The following LRRC4C variants were observed in gnomAD, a reference collection of about 807,000 sequenced individuals.
LRRC4C encodes the protein leucine-rich repeat-containing protein 4C.
Under a neutral mutation model 33.6 loss-of-function variants are expected in LRRC4C, and 5 were observed. The ratio of observed to expected loss-of-function variants is 0.15; its 90% CI spans 0.08 to 0.31. The LOEUF (loss-of-function observed/expected upper bound fraction) is 0.31, where lower values mean the gene tolerates loss of function less well. LRRC4C is among the 10% of genes least tolerant of loss of function. LRRC4C has a pLI of 1.00. For synonymous variants in LRRC4C, 329 were observed against 302.0 expected (o/e 1.09, Z -0.93); for missense variants, 560 against 796.7 (o/e 0.70, Z 3.58).
At chr11:40,725,161 T>C (rs1006155498) in intron 2 of LRRC4C, among the ~76,000 whole-genome samples, 1 of 152,172 alleles carries the variant, frequency 6.6e-6, no homozygotes, top group Admixed American at 6.5e-5. Context: ...GCATTCCTGA[T>C]AAGAACCTGA....
At chr11:40,551,621 C>T (rs531026468) in intron 3 of LRRC4C, among the ~76,000 whole-genome samples, 1 of 152,182 alleles carries the variant, frequency 6.6e-6, no homozygotes, top group Non-Finnish European at 1.5e-5. Flanking sequence ...TCTGCCTCCA[C>T]CCCACTCCTT....
At chr11:40,794,977 CTTAG>C (rs1190435931) in intron 2 of LRRC4C, among the ~76,000 whole-genome samples, 4 of 152,148 alleles carry the variant, frequency 2.6e-5, no homozygotes, top group African/African-American at 9.7e-5. Flanking sequence ...TTACTCAATT[CTTAG>C]TTAGACATCA....
intron 3 of LRRC4C, among the ~76,000 whole-genome samples, chr11:40,409,223 T>C (rs1362978091): frequency 6.6e-6 from 1 of 151,926 alleles, no homozygotes; most frequent in Non-Finnish European, 1.5e-5. Flanking sequence ...AGATCTTCAG[T>C]TCACATCATT....
rs139128677 is a variant in LRRC4C, at chr11:40,754,580, G to A, written c.-406-106302C>T. 2.6e-3 allele frequency among the ~76,000 whole-genome samples: 391 copies of A among 152,176 alleles called. 1 individual carries two copies. Among genetic ancestry groups the A allele is most frequent in the Non-Finnish European group, 4.5e-3 (308 of 67,994 alleles). On this transcript the variant is annotated intron_variant, in intron 2 of 6. Transcript: ENST00000528697. ...TCCATAAAGCCTACACTCTGGAAGA[G>A]GATGCAGACAAGGAAAGCCAGAGAC...
At chr11:40,912,944 CAA>C (rs1210847864) in intron 2 of LRRC4C, among the ~76,000 whole-genome samples, 1 of 152,104 alleles carries the variant, frequency 6.6e-6, no homozygotes, top group African/African-American at 2.4e-5. Context: ...TCAAAAGAGA[CAA>C]AGAAGACCAT....
chr11:40,560,493 A>G (rs184153857), intron 3 of LRRC4C, among the ~76,000 whole-genome samples: 2 of 152,120 alleles, frequency 1.3e-5, no homozygotes, highest in South Asian at 4.2e-4. Flanking sequence ...AGACCCAGTG[A>G]AAGTTCAATT....
At chr11:41,416,757 T>C (rs1405539566) in intron 1 of LRRC4C, among the ~76,000 whole-genome samples, 1 of 152,018 alleles carries the variant, frequency 6.6e-6, no homozygotes, top group Non-Finnish European at 1.5e-5. Context: ...GTAAATATTA[T>C]AATATCTACC....
At chr11:40,329,651 G>A (rs900307450) in intron 3 of LRRC4C, among the ~76,000 whole-genome samples, 2 of 151,922 alleles carry the variant, frequency 1.3e-5, no homozygotes, top group Non-Finnish European at 2.9e-5. Flanking sequence ...ATAGACTGTC[G>A]TTGAAGGTAA....
chr11:40,547,475 T>C (rs1328980402), intron 3 of LRRC4C, among the ~76,000 whole-genome samples: 2 of 152,210 alleles, frequency 1.3e-5, no homozygotes, highest in East Asian at 3.9e-4. Context: ...ATATCAGAGC[T>C]GGGAAATGAC....
At chr11:40,877,297 G>A (rs945257687) in intron 2 of LRRC4C, among the ~76,000 whole-genome samples, 2 of 152,042 alleles carry the variant, frequency 1.3e-5, no homozygotes, top group Non-Finnish European at 2.9e-5. Flanking sequence ...CAGTTTTCCC[G>A]ACATGTAATT....
chr11:40,395,268 G>C (rs760302787), intron 3 of LRRC4C, among the ~76,000 whole-genome samples: 6 of 152,088 alleles, frequency 3.9e-5, no homozygotes, highest in Non-Finnish European at 5.9e-5. Flanking sequence ...GGCATTGCCT[G>C]TTTGAAATTA....
At chr11:41,020,380 C>T (rs1467973737) in intron 1 of LRRC4C, among the ~76,000 whole-genome samples, 1 of 152,080 alleles carries the variant, frequency 6.6e-6, no homozygotes, top group Non-Finnish European at 1.5e-5. Context: ...GAAATAGGGT[C>T]TTTGCATATT....
intron 2 of LRRC4C, among the ~76,000 whole-genome samples, chr11:40,810,748 A>C (rs1434593069): frequency 6.6e-6 from 1 of 152,142 alleles, no homozygotes; most frequent in Non-Finnish European, 1.5e-5. Flanking sequence ...TAATTAATTA[A>C]CATGTCTTTT....
intron 1 of LRRC4C, among the ~76,000 whole-genome samples, chr11:41,451,652 T>C (rs1268918729): frequency 6.6e-6 from 1 of 152,082 alleles, no homozygotes; most frequent in Non-Finnish European, 1.5e-5. Context: ...AAGTTAGGTA[T>C]TCATGAGCAA....
chr11:41,384,065 G>A lies in LRRC4C; in HGVS notation c.-496+75366C>T, dbSNP rs10837638. On this transcript the variant is annotated intron_variant, in intron 1 of 6. Coordinates refer to ENST00000528697, the MANE Select transcript of LRRC4C (RefSeq NM_001258419.2). ...TTGGTGTTATTTACATACAATTTTG[G>A]TAATGAAAGATCTTCGAAAGTTTAT... is the stretch of plus-strand genomic sequence containing the variant. Among the ~76,000 whole-genome samples the A allele has an allele frequency of 2.8e-3, 429 of 151,908 alleles. 8 individuals carry two copies. The highest frequency in any genetic ancestry group is 0.017 in the East Asian group (90 of 5,152).
At position 40,766,353 on chromosome 11, in the gene LRRC4C, T is replaced by TAAAAA. The variant is rs60152534; in HGVS notation, c.-406-118080_-406-118076dup. Among the ~76,000 whole-genome samples the TAAAAA allele has an allele frequency of 3.0e-3, 101 of 33,910 alleles. 3 individuals carry two copies. Among genetic ancestry groups the TAAAAA allele is most frequent in the African/African-American group, 3.8e-3 (36 of 9,394 alleles). 22.2% of individuals were successfully genotyped at this position (33,910 alleles called of 152,430 possible). ...TGCTAAAGGGAGTTCTTCAGTCTGT[T>TAAAAA]AAAAAAAAAAAAAAAAAAAAAAAAA... On this transcript the variant is annotated intron_variant, in intron 2 of 6. Coordinates refer to ENST00000528697, the MANE Select transcript of LRRC4C (RefSeq NM_001258419.2).
At chr11:40,487,984 T>C (rs1328776696) in intron 3 of LRRC4C, among the ~76,000 whole-genome samples, 1 of 152,062 alleles carries the variant, frequency 6.6e-6, no homozygotes, top group Non-Finnish European at 1.5e-5. Flanking sequence ...ACATCCACAT[T>C]AAGGATGAGT....
chr11:40,476,041 C>T (rs1020183384), intron 3 of LRRC4C, among the ~76,000 whole-genome samples: 6 of 152,146 alleles, frequency 3.9e-5, no homozygotes, highest in African/African-American at 1.4e-4. Context: ...GTAATACCCT[C>T]CTGCATCTCC....
At chr11:40,603,140 T>A (rs918250709) in intron 3 of LRRC4C, among the ~76,000 whole-genome samples, 6 of 152,136 alleles carry the variant, frequency 3.9e-5, no homozygotes, top group Admixed American at 2.6e-4. Context: ...TGAGGACAAT[T>A]ACTCACAATG....
Sources: gnomAD v4.1 joint callset for allele counts (sites outside exome capture counted in the v4.1 genomes callset) on GRCh38, gnomAD v4.1.1 for gene constraint, MANE v1.5 for transcripts, NCBI Gene and HGNC (gene_info 2026-07-23, HGNC 2026-07-21) for gene names.